Variants in CNTN1 observed in about 807,000 individuals in gnomAD.
The protein encoded by CNTN1 is contactin-1.
CNTN1 carries 38 observed loss-of-function variants against 126.4 expected under a neutral mutation model. That is an observed-to-expected ratio of 0.30 (90% CI 0.23 to 0.39). The LOEUF (loss-of-function observed/expected upper bound fraction) is 0.39, where lower values mean the gene tolerates loss of function less well. CNTN1 is among the 10% of genes least tolerant of loss of function. The probability of loss-of-function intolerance (pLI) is 1.00; values close to 1 mark genes in which losing one functional copy is unlikely to be tolerated. For synonymous variants in CNTN1, 413 were observed against 422.6 expected, an observed-to-expected ratio of 0.98 and a Z score of 0.28; for missense variants, 1,009 against 1,248.4, an observed-to-expected ratio of 0.81 and a Z score of 2.89.
At chr12:40,764,805 G>C (rs569020245) in intron 1 of CNTN1, among the ~76,000 whole-genome samples, 1 of 152,284 alleles carries the variant, frequency 6.6e-6, no homozygotes, top group Non-Finnish European at 1.5e-5. Flanking sequence ...CCTTTCATGA[G>C]AAGATACTCT....
At chr12:40,721,012 T>C (rs1172653856) in intron 1 of CNTN1, among the ~76,000 whole-genome samples, 1 of 149,612 alleles carries the variant, frequency 6.7e-6, no homozygotes, top group Non-Finnish European at 1.5e-5. Context: ...TACATATATG[T>C]AGTCAGATTG....
At chr12:40,708,569 G>A (rs1021264899) in intron 1 of CNTN1, among the ~76,000 whole-genome samples, 1 of 152,178 alleles carries the variant, frequency 6.6e-6, no homozygotes, top group Non-Finnish European at 1.5e-5. Context: ...AGATGACACT[G>A]AGGTTTGTGA....
chr12:40,952,498 A>G (rs1453928487), intron 14 of CNTN1, among the ~76,000 whole-genome samples: 1 of 152,088 alleles, frequency 6.6e-6, no homozygotes, highest in Admixed American at 6.6e-5. Context: ...GTAACAATAG[A>G]AGTTATATTA....
intron 1 of CNTN1, among the ~76,000 whole-genome samples, chr12:40,702,957 G>A (rs745673751): frequency 6.6e-6 from 1 of 151,994 alleles, no homozygotes; most frequent in Non-Finnish European, 1.5e-5. Context: ...GTGTAGTTTT[G>A]TATATTCCTG....
At chr12:40,947,825 A>G (rs1946492609) in intron 14 of CNTN1, among the ~76,000 whole-genome samples, 1 of 146,812 alleles carries the variant, frequency 6.8e-6, no homozygotes, top group African/African-American at 2.5e-5. Flanking sequence ...ACACACACAC[A>G]CACATATGTA....
At chr12:40,960,807 G>T (rs912409734) in intron 15 of CNTN1, among the ~76,000 whole-genome samples, 1 of 152,048 alleles carries the variant, frequency 6.6e-6, no homozygotes, top group Non-Finnish European at 1.5e-5. Flanking sequence ...TTCCTAGTCA[G>T]ACCACTAGCT....
intron 1 of CNTN1, among the ~76,000 whole-genome samples, chr12:40,695,799 A>G (rs528033968): frequency 1.3e-5 from 2 of 151,970 alleles, no homozygotes; most frequent in East Asian, 3.9e-4. Flanking sequence ...TCTCCCTCTT[A>G]TCTTCTCTTT....
rs749864561 is a variant in CNTN1, at chr12:40,922,332, A to C, written c.304A>C (p.Asn102His). 59 of 1,614,072 alleles carry C rather than the reference A, an allele frequency of 3.7e-5. No individual in the cohort carries two copies. In the Middle Eastern group the frequency reaches 9.9e-4, roughly 27 times the overall value. Residue 102 changes from asparagine to histidine, a missense_variant, in exon 5 of 24, where the codon AAC (asparagine) becomes CAC (histidine). Transcript: ENST00000551295. ...SMVGGNLVIN[N>H]PDKQKDAGIY... ...GGTAGGAGGAAACCTTGTTATCAAC[A>C]ACCCTGACAAACAGAAAGATGCTGG... is the stretch of plus-strand genomic sequence containing the variant.
At chr12:40,822,607 G>A (rs532953525) in intron 1 of CNTN1, among the ~76,000 whole-genome samples, 11 of 151,938 alleles carry the variant, frequency 7.2e-5, no homozygotes, top group South Asian at 6.2e-4. Context: ...GTGATATAAC[G>A]TAATAAACAT....
At chr12:40,812,762 T>C (rs1183968811) in intron 1 of CNTN1, among the ~76,000 whole-genome samples, 1 of 152,140 alleles carries the variant, frequency 6.6e-6, no homozygotes, top group Non-Finnish European at 1.5e-5. Context: ...CCCTTCACTT[T>C]GTATGTGCCC....
At chr12:40,939,614 T>A in intron 12 of CNTN1, 129 bp downstream of exon 12, 4 of 969,838 alleles carry the variant, frequency 4.1e-6, no homozygotes, top group Non-Finnish European at 6.3e-6. Context: ...GAAGATCCTG[T>A]AGTTCTAAGA....
intron 7 of CNTN1, among the ~76,000 whole-genome samples, chr12:40,932,595 C>T (rs555246824): frequency 6.6e-6 from 1 of 151,932 alleles, no homozygotes; most frequent in South Asian, 2.1e-4. Context: ...ATTTGAGTTC[C>T]TAGACCTTTT....
chr12:41,052,488 G>T (rs887994141), intron 23 of CNTN1, among the ~76,000 whole-genome samples: 1 of 152,050 alleles, frequency 6.6e-6, no homozygotes, highest in Admixed American at 6.6e-5. Flanking sequence ...TGATGTTGCT[G>T]CTATTTTGGT....
At chr12:40,936,604 C>T (rs1946088465) in intron 9 of CNTN1, among the ~76,000 whole-genome samples, 177 bp from the exon 10 acceptor site, 1 of 152,054 alleles carries the variant, frequency 6.6e-6, no homozygotes, top group Admixed American at 6.6e-5. Context: ...TGTAATAATA[C>T]AGGATTTGCG....
chr12:40,823,440 T>C (rs773212681), intron 1 of CNTN1, among the ~76,000 whole-genome samples: 4 of 152,160 alleles, frequency 2.6e-5, no homozygotes, highest in Non-Finnish European at 5.9e-5. Context: ...ATTGGCAAAA[T>C]GGAAATAGAT....
intron 17 of CNTN1, among the ~76,000 whole-genome samples, chr12:41,009,324 C>T (rs1948587551): frequency 6.6e-6 from 1 of 152,182 alleles, no homozygotes; most frequent in Non-Finnish European, 1.5e-5. Flanking sequence ...ACAGTAATCC[C>T]ACCACATTAT....
At chr12:40,780,030 C>A (rs929748833) in intron 1 of CNTN1, among the ~76,000 whole-genome samples, 17 of 152,026 alleles carry the variant, frequency 1.1e-4, no homozygotes, top group Middle Eastern at 3.4e-3. Context: ...TTCTGGACCA[C>A]GTGTCTTTCT....
At chr12:40,836,147 CA>C (rs934344181) in intron 1 of CNTN1, among the ~76,000 whole-genome samples, 4 of 114,902 alleles carry the variant, frequency 3.5e-5, no homozygotes, top group African/African-American at 1.2e-4. Flanking sequence ...GGTATATACA[CA>C]TATATGATAA....
chr12:40,926,631 G>T (rs1945703486), intron 6 of CNTN1, among the ~76,000 whole-genome samples: 2 of 151,980 alleles, frequency 1.3e-5, no homozygotes, highest in Admixed American at 1.3e-4. Flanking sequence ...GACCTGGGGA[G>T]GACAAAGGTG....
Sources: gnomAD v4.1 joint callset for allele counts (sites outside exome capture counted in the v4.1 genomes callset) on GRCh38, gnomAD v4.1.1 for gene constraint, MANE v1.5 for transcripts, NCBI Gene and HGNC (gene_info 2026-07-23, HGNC 2026-07-21) for gene names.